CERS1: variants seen among roughly 807,000 people sequenced by gnomAD.
CERS1 encodes Embryonic growth/differentiation factor 1.
In CERS1, 16 loss-of-function variants were observed where a neutral mutation model predicts 35.7. That is an observed-to-expected ratio of 0.45 (90% CI 0.30 to 0.68). CERS1 has a LOEUF of 0.68. Among genes scored for constraint, CERS1 ranks in the 30% least tolerant of loss-of-function variants. The pLI is 0.08. For synonymous variants in CERS1, 243 were observed against 201.6 expected (o/e 1.21, Z -1.74); for missense variants, 454 against 453.9 (o/e 1.00, Z 0.00).
In CERS1 at chr19:18,896,033, C is replaced by T. The variant is rs1253315917; in HGVS notation, c.40G>A (p.Glu14Lys). ...AGPAAGPTGP[E>K]PMPSYAQLVQ... ...AGCTGCGCGTAGCTCGGCATGGGCT[C>T]GGGCCCCGTCGGCCCCGCCGCGGGC... The change falls in exon 1 of 8, where the codon GAG becomes AAG. Residue 14 changes from glutamate to lysine, a missense_variant. Coordinates refer to ENST00000623882, the MANE Select transcript of CERS1 (RefSeq NM_021267.5). The surrounding 1 kb of genome is among the most constrained non-coding windows in gnomAD (Gnocchi z 5.9). The T allele has an allele frequency of 1.4e-5, 14 of 992,002 alleles. No individual in the cohort carries two copies. In the South Asian group the frequency reaches 2.7e-4, roughly 19 times the overall value. The allele number at this position is 992,002 out of a possible 1,614,324, so 61.4% of individuals were successfully genotyped here. A position where few individuals can be genotyped will look rare whatever the true frequency, so the allele number is the denominator to read the frequency against.
chr19:18,871,890 G>A (rs75235260), intron 6 of CERS1, among the ~76,000 whole-genome samples: 1,840 of 152,210 alleles, frequency 0.012, 41 homozygotes, highest in African/African-American at 0.042. Context: ...ACAAACCTCC[G>A]TGACACACTG....
intron 6 of CERS1, among the ~76,000 whole-genome samples, chr19:18,877,473 G>A (rs956058747): frequency 4.6e-5 from 7 of 152,322 alleles, no homozygotes; most frequent in South Asian, 2.1e-4. Context: ...GACTCAGGCC[G>A]GCTGCAGTGG....
Position 18,896,077 on chromosome 19 carries a change from C to T in CERS1, c.-5G>A. The T allele has an allele frequency of 1.0e-6, 1 of 959,462 alleles. No homozygotes were observed. 59.4% of individuals were successfully genotyped at this position (959,462 alleles called of 1,614,324 possible). A position where few individuals can be genotyped will look rare whatever the true frequency, so the allele number is the denominator to read the frequency against. ...CGCGGGCCCCGCCGCCGCCATACCG[C>T]CCGCTCGCCCGCCGTGCCCGTCGCC... is the stretch of plus-strand genomic sequence containing the variant. On this transcript the variant is annotated 5_prime_UTR_variant, in exon 1 of 8. Coordinates refer to ENST00000623882, the MANE Select transcript of CERS1 (RefSeq NM_021267.5). This position sits in a 1 kb window ranked among gnomAD's most constrained non-coding sequence, Gnocchi z 5.9.
chr19:18,874,783 G>A (rs2056032692), intron 6 of CERS1, among the ~76,000 whole-genome samples: 1 of 152,228 alleles, frequency 6.6e-6, no homozygotes, highest in Non-Finnish European at 1.5e-5. Flanking sequence ...GTACAGATGA[G>A]GGGACCCTGG....
chr19:18,885,637 A>C (rs968774452), intron 2 of CERS1, among the ~76,000 whole-genome samples: 1 of 149,048 alleles, frequency 6.7e-6, no homozygotes, highest in Non-Finnish European at 1.5e-5. Context: ...CTCCTGCCTC[A>C]GCATGCCAAG....
intron 6 of CERS1, among the ~76,000 whole-genome samples, chr19:18,874,636 G>A (rs1461259892): frequency 6.6e-6 from 1 of 152,228 alleles, no homozygotes; most frequent in Admixed American, 6.5e-5. Context: ...TGGACAGAGG[G>A]GCTGAGTCAT....
Position 18,869,225 on chromosome 19 carries a change from T to C in CERS1, c.*760A>G, listed in dbSNP as rs2055913733. On this transcript the variant is annotated 3_prime_UTR_variant, in exon 8 of 8. Coordinates refer to ENST00000623882, the MANE Select transcript of CERS1 (RefSeq NM_021267.5). ...CTGGCCCGCTTGCGCCACGCTCAGC[T>C]CCCAGCCGCCCTCCGGGGCTGCCGC... The C allele has an allele frequency of 2.2e-6, 3 of 1,376,548 alleles. No individual in the cohort carries two copies. Among genetic ancestry groups the C allele is most frequent in the Admixed American group, 3.6e-5 (1 of 27,536 alleles). The allele number at this position is 1,376,548 out of a possible 1,614,324, so 85.3% of individuals were successfully genotyped here. A position where few individuals can be genotyped will look rare whatever the true frequency, so the allele number is the denominator to read the frequency against.
Position 18,895,212 on chromosome 19 carries a change from G to T in CERS1, c.249+612C>A, listed in dbSNP as rs2056595501. Among the ~76,000 whole-genome samples the T allele has an allele frequency of 6.6e-6, 1 of 152,244 alleles. No homozygotes were observed. Among genetic ancestry groups the T allele is most frequent in the African/African-American group, 2.4e-5 (1 of 41,470 alleles). On this transcript the variant is annotated intron_variant, in intron 1 of 7. Transcript: ENST00000623882. This position sits in a 1 kb window ranked among gnomAD's most constrained non-coding sequence, Gnocchi z 6.4. ...GGAGGGTGGCGCTGACCCCAGATAG[G>T]CACAAGGCAGCGACCGGGCAGCTCC...
At position 18,893,434 on chromosome 19, in the gene CERS1, G is replaced by A. The variant is rs759382825; in HGVS notation, c.391C>T (p.Pro131Ser). The change falls in exon 2 of 8, where the codon CCA becomes TCA. Residue 131 changes from proline to serine, a missense_variant. By Grantham distance (74) the Pro-to-Ser change is moderately conservative. Coordinates refer to ENST00000623882, the MANE Select transcript of CERS1 (RefSeq NM_021267.5). ...CCCCTACCGTAGAAGACAGATGGTG[G>A]GTCATGGAAGAAGGGGTAGTCGGTG... ...FGTDYPFFHDPPSVFYDWTPG... is the reference protein window; with the variant it reads ...FGTDYPFFHDSPSVFYDWTPG... 1 of 1,604,954 alleles carries A rather than the reference G, an allele frequency of 6.2e-7. No individual in the cohort carries two copies. Among genetic ancestry groups the A allele is most frequent in the Non-Finnish European group, 8.5e-7 (1 of 1,176,146 alleles).
chr19:18,872,053 C>A (rs1404599202), intron 6 of CERS1, among the ~76,000 whole-genome samples: 1 of 152,228 alleles, frequency 6.6e-6, no homozygotes, highest in Non-Finnish European at 1.5e-5. Flanking sequence ...TCCTGCCCTC[C>A]AGGATGGTCT....
chr19:18,888,166 C>A (rs1009696921), intron 2 of CERS1, among the ~76,000 whole-genome samples: 3 of 152,094 alleles, frequency 2.0e-5, no homozygotes, highest in Admixed American at 2.0e-4. Context: ...TCAAGACCAG[C>A]CTGGCCAACA....
Position 18,869,107 on chromosome 19 carries a change from C to G in CERS1, c.*878G>C. On this transcript the variant is annotated 3_prime_UTR_variant, in exon 8 of 8. Transcript: ENST00000623882. ...TGCGCGGCCATGAGGCGTTGCGAGC[C>G]CAAGCGGCGCCCAGCAGCTCCGCGC... The G allele has an allele frequency of 9.2e-7, 1 of 1,082,808 alleles. No individual in the cohort carries two copies. Among genetic ancestry groups the G allele is most frequent in the South Asian group, 3.3e-5 (1 of 29,864 alleles). The allele number at this position is 1,082,808 out of a possible 1,614,324, so 67.1% of individuals were successfully genotyped here.
Position 18,893,456 on chromosome 19 carries a change from G to T in CERS1, c.369C>A (p.Thr123=). The T allele has an allele frequency of 6.2e-7, 1 of 1,606,354 alleles. No homozygotes were observed. Among genetic ancestry groups the T allele is most frequent in the East Asian group, 2.2e-5 (1 of 44,568 alleles). ...GTGGGTCATGGAAGAAGGGGTAGTC[G>T]GTGCCAAACAGCAGGTAGGCACTGT... The part of the protein sequence containing the change: ...WSYSAYLLFG[T]DYPFFHDPPS... Residue 123 remains threonine (T), a synonymous_variant, in exon 2 of 8, where the codon ACC becomes ACA. Transcript: ENST00000623882.
upstream of CERS1, chr19:18,896,748 C>A (rs920199009): frequency 6.6e-6 from 1 of 152,314 alleles, no homozygotes; most frequent in Non-Finnish European, 1.5e-5. This position sits in a 1 kb window ranked among gnomAD's most constrained non-coding sequence, Gnocchi z 5.9. Flanking sequence ...CAGCTCTCTG[C>A]CCTACACCAG....
At chr19:18,876,533 G>A in intron 6 of CERS1, among the ~76,000 whole-genome samples, 1 of 95,022 alleles carries the variant, frequency 1.1e-5, no homozygotes, top group East Asian at 2.7e-4. Context: ...TGTTTTGATT[G>A]GGTTGTGTGT....
intron 4 of CERS1, 67 bp from the exon 5 acceptor site, chr19:18,879,455 T>A (rs2056140023): frequency 6.5e-7 from 1 of 1,527,108 alleles, no homozygotes; most frequent in Non-Finnish European, 8.8e-7. Context: ...CCCTGTCCTA[T>A]CCCGTCCTAG....
Position 18,868,793 on chromosome 19 carries a change from CCCGACAGCGCGA to C in CERS1, c.*1180_*1191del. The C allele has an allele frequency of 1.4e-6, 2 of 1,459,508 alleles. No homozygotes were observed. Among genetic ancestry groups the C allele is most frequent in the Non-Finnish European group, 1.8e-6 (2 of 1,095,968 alleles). The allele number at this position is 1,459,508 out of a possible 1,614,324, so 90.4% of individuals were successfully genotyped here. ...GTTGAGCGCCGGCGGCCCCCCGGACCCCGACAGCGCGACGGGCAGCGCGCACTGACCCTGGCA... is the reference window on the plus strand; with the variant it reads ...GTTGAGCGCCGGCGGCCCCCCGGACCCGGGCAGCGCGCACTGACCCTGGCA... On this transcript the variant is annotated 3_prime_UTR_variant, in exon 8 of 8. Coordinates refer to ENST00000623882, the MANE Select transcript of CERS1 (RefSeq NM_021267.5).
intron 2 of CERS1, among the ~76,000 whole-genome samples, chr19:18,886,290 C>T (rs2056358315): frequency 6.6e-6 from 1 of 152,158 alleles, no homozygotes; most frequent in Admixed American, 6.6e-5. Context: ...TGGCTCACGC[C>T]TGTAATCCCA....
chr19:18,895,895 G>T lies in CERS1; in HGVS notation c.178C>A (p.Leu60Met). Residue 60 changes from leucine (L) to methionine (M), a missense_variant, in exon 1 of 8, where the codon CTG becomes ATG. Transcript: ENST00000623882. This position sits in a 1 kb window ranked among gnomAD's most constrained non-coding sequence, Gnocchi z 6.4. ...AGCGCGCCGAGCGCCAGCAGCAGCA[G>T]CTCGGGCGGCGCCAGGTGCGCGTGC... is the stretch of plus-strand genomic sequence containing the variant. Reference protein sequence around the residue: ...AEHAHLAPPELLLLALGALGW... With the variant: ...AEHAHLAPPEMLLLALGALGW... 7.9e-7 allele frequency: 1 copy of T among 1,264,238 alleles called. No homozygotes were observed. The highest frequency in any genetic ancestry group is 2.2e-5 in the South Asian group (1 of 45,136). 78.3% of individuals were successfully genotyped at this position (1,264,238 alleles called of 1,614,324 possible). A position where few individuals can be genotyped will look rare whatever the true frequency, so the allele number is the denominator to read the frequency against.
Sources: allele counts gnomAD v4.1 joint callset (sites outside exome capture counted in the v4.1 genomes callset), GRCh38; gene constraint gnomAD v4.1.1; non-coding constraint Gnocchi (gnomAD v3.1); transcripts MANE v1.5; gene names NCBI Gene and HGNC (gene_info 2026-07-23, HGNC 2026-07-21).